Variants in PRKCA observed in about 807,000 individuals in gnomAD.
The protein encoded by PRKCA is protein kinase C alpha.
PRKCA carries 27 observed loss-of-function variants against 87.0 expected under a neutral mutation model. That is an observed-to-expected ratio of 0.31 (90% CI 0.23 to 0.43). The LOEUF (loss-of-function observed/expected upper bound fraction) is 0.43. Among genes scored for constraint, PRKCA ranks in the 20% least tolerant of loss-of-function variants. PRKCA has a pLI of 1.00. For synonymous variants in PRKCA, 329 were observed against 311.1 expected, an observed-to-expected ratio of 1.06 and a Z score of -0.61; for missense variants, 518 against 852.3, an observed-to-expected ratio of 0.61 and a Z score of 4.88.
chr17:66,660,777 C>T (rs1485756665), intron 5 of PRKCA, among the ~76,000 whole-genome samples: 3 of 151,780 alleles, frequency 2.0e-5, no homozygotes, highest in East Asian at 1.9e-4. Context: ...GGTGTGGTGG[C>T]GGGCGCCTGT....
chr17:66,564,302 C>T (rs543838985), intron 3 of PRKCA, among the ~76,000 whole-genome samples: 2 of 152,298 alleles, frequency 1.3e-5, no homozygotes, highest in South Asian at 2.1e-4. Flanking sequence ...TGGTCTCAAA[C>T]TCCTGACCTC....
In PRKCA at chr17:66,305,115, A is replaced by C. The variant is rs553277622; in HGVS notation, c.174-981A>C. ...CCTGCAGCACTCTGCATTTAATTGT[A>C]AACCAACCAATTGGAAGTCCCAGGA... is the stretch of plus-strand genomic sequence containing the variant. On this transcript the variant is annotated intron_variant, in intron 1 of 16. Coordinates refer to ENST00000413366, the MANE Select transcript of PRKCA (RefSeq NM_002737.3). Among the ~76,000 whole-genome samples the C allele has an allele frequency of 5.9e-5, 9 of 152,246 alleles. No homozygotes were observed. The South Asian group carries it at 1.9e-3, about 32-fold the overall frequency.
At chr17:66,702,052 A>T (rs1272366727) in intron 8 of PRKCA, among the ~76,000 whole-genome samples, 1 of 152,154 alleles carries the variant, frequency 6.6e-6, no homozygotes, top group Non-Finnish European at 1.5e-5. Context: ...TAGCCAAGAT[A>T]TGGAAACAGT....
intron 2 of PRKCA, among the ~76,000 whole-genome samples, chr17:66,368,293 CAT>C (rs142776802): frequency 0.011 from 1,673 of 146,062 alleles, 28 homozygotes; most frequent in African/African-American, 0.041. Context: ...TATATACACA[CAT>C]ATATGTGTGT....
intron 2 of PRKCA, among the ~76,000 whole-genome samples, chr17:66,339,219 A>G (rs1203571902): frequency 6.6e-6 from 1 of 152,246 alleles, no homozygotes; most frequent in Non-Finnish European, 1.5e-5. Context: ...ATAACCTTCC[A>G]GAGTGTTACA....
chr17:66,472,772 C>A (rs538721986), intron 2 of PRKCA, among the ~76,000 whole-genome samples: 1 of 152,236 alleles, frequency 6.6e-6, no homozygotes, highest in Admixed American at 6.5e-5. Flanking sequence ...TATAAAGTAG[C>A]AGGAGAATCT....
chr17:66,358,419 T>C (rs1908194090), intron 2 of PRKCA, among the ~76,000 whole-genome samples: 1 of 152,088 alleles, frequency 6.6e-6, no homozygotes, highest in Non-Finnish European at 1.5e-5. Flanking sequence ...GATTTGTTCA[T>C]ATTTTGCCCT....
chr17:66,659,682 G>A (rs968017323), intron 5 of PRKCA, among the ~76,000 whole-genome samples: 4 of 144,014 alleles, frequency 2.8e-5, no homozygotes, highest in African/African-American at 1.1e-4. Flanking sequence ...CCAGGAGTTT[G>A]AGGCTGCAGT....
At chr17:66,542,298 C>T (rs567530478) in intron 3 of PRKCA, among the ~76,000 whole-genome samples, 1 of 152,068 alleles carries the variant, frequency 6.6e-6, no homozygotes, top group Admixed American at 6.6e-5. Flanking sequence ...AGTCTTTGTG[C>T]TAGTTTCTGT....
chr17:66,775,393 G>A (rs2144340684), intron 14 of PRKCA: 2 of 984,590 alleles, frequency 2.0e-6, no homozygotes, highest in South Asian at 9.4e-5. Flanking sequence ...TATCACTTCT[G>A]CCTAGGTTCC....
intron 8 of PRKCA, among the ~76,000 whole-genome samples, chr17:66,730,630 A>G (rs892029241): frequency 6.6e-6 from 1 of 152,190 alleles, no homozygotes; most frequent in Admixed American, 6.5e-5. Context: ...ATGTATTATA[A>G]TTAGCATACG....
intron 2 of PRKCA, among the ~76,000 whole-genome samples, chr17:66,327,734 T>G (rs1331117992): frequency 3.9e-5 from 6 of 152,164 alleles, no homozygotes; most frequent in Non-Finnish European, 2.9e-5. Context: ...TAGCTTTTAT[T>G]TGAGTATTAA....
intron 2 of PRKCA, among the ~76,000 whole-genome samples, chr17:66,437,255 T>A (rs1309959212): frequency 3.3e-5 from 5 of 152,124 alleles, no homozygotes; most frequent in Non-Finnish European, 5.9e-5. Flanking sequence ...GGTGGGCAGA[T>A]GTGTGCAGTG....
At chr17:66,776,245 C>T (rs1358250575) in intron 14 of PRKCA, among the ~76,000 whole-genome samples, 1 of 152,174 alleles carries the variant, frequency 6.6e-6, no homozygotes, top group African/African-American at 2.4e-5. Flanking sequence ...TTCTTGCCTC[C>T]TCAGAAGAAA....
chr17:66,765,156 G>C (rs1016871470), intron 13 of PRKCA, among the ~76,000 whole-genome samples: 1 of 152,096 alleles, frequency 6.6e-6, no homozygotes, highest in Non-Finnish European at 1.5e-5. Flanking sequence ...GCTCACGCCT[G>C]TAATCCCAGC....
At position 66,800,935 on chromosome 17, in the gene PRKCA, ATC is replaced by A. The variant is rs1182456036; in HGVS notation, c.1855-2933_1855-2932del. ...GTGAGTATCAAGAGAAGCACAGATGATCTCTCATTAAAGGAGCACACATCCCA... is the reference window on the plus strand; with the variant it reads ...GTGAGTATCAAGAGAAGCACAGATGATCTCATTAAAGGAGCACACATCCCA... On this transcript the variant is annotated intron_variant, in intron 16 of 16. Coordinates refer to ENST00000413366, the MANE Select transcript of PRKCA (RefSeq NM_002737.3). Among the ~76,000 whole-genome samples, 3 of 152,264 alleles carry A rather than the reference ATC, an allele frequency of 2.0e-5. No homozygotes were observed. The East Asian group carries it at 5.8e-4, about 29-fold the overall frequency.
chr17:66,571,746 G>C (rs1233845116), intron 3 of PRKCA, among the ~76,000 whole-genome samples: 1 of 152,130 alleles, frequency 6.6e-6, no homozygotes, highest in Non-Finnish European at 1.5e-5. Flanking sequence ...AACCTTCCAC[G>C]GAACCTGAGT....
At chr17:66,717,070 T>C (rs758867020) in intron 8 of PRKCA, among the ~76,000 whole-genome samples, 2 of 152,182 alleles carry the variant, frequency 1.3e-5, no homozygotes, top group Admixed American at 1.3e-4. Flanking sequence ...ATTCTAGTGC[T>C]CTTGAGATTC....
At chr17:66,386,445 C>G (rs758427258) in intron 2 of PRKCA, among the ~76,000 whole-genome samples, 8 of 152,150 alleles carry the variant, frequency 5.3e-5, no homozygotes, top group Non-Finnish European at 1.0e-4. Context: ...GTTGCCAGTT[C>G]GTCGACTCTG....
Sources: allele counts gnomAD v4.1 joint callset (sites outside exome capture counted in the v4.1 genomes callset), GRCh38; gene constraint gnomAD v4.1.1; transcripts MANE v1.5; gene names NCBI Gene and HGNC (gene_info 2026-07-23, HGNC 2026-07-21).